The following PCDH9 variants were observed in gnomAD, a reference collection of about 807,000 sequenced individuals.
PCDH9 encodes protocadherin 9, also known as protocadherin-9.
In PCDH9, 24 loss-of-function variants were observed where a neutral mutation model predicts 70.6. That is an observed-to-expected ratio of 0.34 (90% CI 0.25 to 0.48). PCDH9 has a LOEUF of 0.48. Ranked by LOEUF, PCDH9 falls within the 20% of genes least tolerant of loss-of-function variation. PCDH9 has a pLI of 0.99. For synonymous variants in PCDH9, 562 were observed against 558.5 expected (o/e 1.01, Z -0.09); for missense variants, 1,281 against 1,503.6 (o/e 0.85, Z 2.45).
chr13:66,478,360 T>C (rs1958771607), intron 4 of PCDH9, among the ~76,000 whole-genome samples: 1 of 152,010 alleles, frequency 6.6e-6, no homozygotes, highest in Non-Finnish European at 1.5e-5. Flanking sequence ...CTCTAAGCAA[T>C]CACGTAAAAG....
At chr13:66,864,562 T>C (rs1046295099) in intron 3 of PCDH9, among the ~76,000 whole-genome samples, 1 of 152,358 alleles carries the variant, frequency 6.6e-6, no homozygotes, top group South Asian at 2.1e-4. Flanking sequence ...AAAATGTATT[T>C]GGACATTTAG....
intron 4 of PCDH9, among the ~76,000 whole-genome samples, chr13:66,492,300 T>C (rs1959047337): frequency 6.6e-6 from 1 of 151,844 alleles, no homozygotes; most frequent in Non-Finnish European, 1.5e-5. Context: ...AGCCTTGTCT[T>C]ACATAGACAG....
intron 2 of PCDH9, among the ~76,000 whole-genome samples, chr13:67,133,727 G>C (rs556082816): frequency 2.0e-5 from 3 of 151,994 alleles, no homozygotes; most frequent in Admixed American, 6.6e-5. Flanking sequence ...TTCTTGTGTT[G>C]CTCATCTAGA....
At chr13:67,038,519 T>C (rs1159675313) in intron 2 of PCDH9, among the ~76,000 whole-genome samples, 1 of 152,188 alleles carries the variant, frequency 6.6e-6, no homozygotes, top group Non-Finnish European at 1.5e-5. Flanking sequence ...TAATTGCTCA[T>C]AATGTGATAC....
At chr13:67,134,961 A>G (rs12870318) in intron 2 of PCDH9, among the ~76,000 whole-genome samples, 35,284 of 152,020 alleles carry the variant, frequency 0.23, 4,204 homozygotes, top group Middle Eastern at 0.28. Flanking sequence ...AAGGGTACCA[A>G]TGAAAAGTGA....
chr13:66,970,606 CT>C (rs2083503749), intron 2 of PCDH9, among the ~76,000 whole-genome samples: 1 of 143,640 alleles, frequency 7.0e-6, no homozygotes, highest in Non-Finnish European at 1.5e-5. Context: ...GCACTCAAGC[CT>C]AGGAATGAGA....
chr13:66,354,485 C>A (rs944566122), intron 4 of PCDH9, among the ~76,000 whole-genome samples: 3 of 151,894 alleles, frequency 2.0e-5, no homozygotes, highest in Admixed American at 1.3e-4. Flanking sequence ...TCTAATTTTG[C>A]CTCTCTGTTG....
intron 3 of PCDH9, among the ~76,000 whole-genome samples, chr13:66,671,073 T>A (rs2072553329): frequency 6.6e-6 from 1 of 152,100 alleles, no homozygotes; most frequent in African/African-American, 2.4e-5. Flanking sequence ...CTCATGATAG[T>A]GAATAAGTCT....
At chr13:66,373,363 G>A (rs139059467) in intron 4 of PCDH9, among the ~76,000 whole-genome samples, 21 of 151,966 alleles carry the variant, frequency 1.4e-4, no homozygotes, top group East Asian at 3.9e-4. Context: ...GGAAATTGTC[G>A]TTTAATGGGT....
intron 2 of PCDH9, among the ~76,000 whole-genome samples, chr13:67,068,884 T>C (rs572500902): frequency 6.6e-5 from 10 of 152,306 alleles, no homozygotes; most frequent in Middle Eastern, 3.4e-3. Flanking sequence ...CAGAATGTGC[T>C]CACATGTTAC....
intron 2 of PCDH9, among the ~76,000 whole-genome samples, chr13:67,061,623 T>C (rs370670251): frequency 1.3e-5 from 2 of 152,118 alleles, no homozygotes; most frequent in East Asian, 1.9e-4. Context: ...AGAATATTTA[T>C]AATAAAGCTA....
At chr13:66,605,890 C>T (rs931265862) in intron 4 of PCDH9, among the ~76,000 whole-genome samples, 7 of 151,808 alleles carry the variant, frequency 4.6e-5, no homozygotes, top group African/African-American at 1.2e-4. Flanking sequence ...TAACACTGGC[C>T]GAGTTTACTT....
At chr13:67,172,017 C>T (rs2088300306) in intron 2 of PCDH9, among the ~76,000 whole-genome samples, 1 of 152,170 alleles carries the variant, frequency 6.6e-6, no homozygotes, top group Non-Finnish European at 1.5e-5. Flanking sequence ...TTAAGACCAC[C>T]ACTTACTAGT....
intron 3 of PCDH9, among the ~76,000 whole-genome samples, chr13:66,672,702 C>T (rs1213184306): frequency 6.6e-6 from 1 of 152,204 alleles, no homozygotes; most frequent in African/African-American, 2.4e-5. Context: ...TGCCCAAGAC[C>T]ATGGGAACCC....
intron 3 of PCDH9, among the ~76,000 whole-genome samples, chr13:66,871,853 C>T (rs889218746): frequency 6.6e-6 from 1 of 151,918 alleles, no homozygotes; most frequent in African/African-American, 2.4e-5. Context: ...ATTTCTTATT[C>T]TCTTTGTCTG....
chr13:66,647,994 G>A (rs1245100554), intron 3 of PCDH9, among the ~76,000 whole-genome samples: 2 of 151,972 alleles, frequency 1.3e-5, no homozygotes, highest in African/African-American at 2.4e-5. Flanking sequence ...AAGAAAGGGT[G>A]GGAAAATCTT....
At chr13:66,396,072 A>C (rs1210004208) in intron 4 of PCDH9, among the ~76,000 whole-genome samples, 1 of 152,168 alleles carries the variant, frequency 6.6e-6, no homozygotes, top group Non-Finnish European at 1.5e-5. Flanking sequence ...TTGAGTTTGT[A>C]TATAGAATGT....
At chr13:66,419,935 G>A (rs868263886) in intron 4 of PCDH9, among the ~76,000 whole-genome samples, 8 of 152,068 alleles carry the variant, frequency 5.3e-5, no homozygotes, top group South Asian at 2.1e-4. Flanking sequence ...TGAAATTCTC[G>A]CTGCCAGCAC....
At chr13:66,497,464 A>G (rs1959134632) in intron 4 of PCDH9, among the ~76,000 whole-genome samples, 1 of 152,184 alleles carries the variant, frequency 6.6e-6, no homozygotes, top group African/African-American at 2.4e-5. Flanking sequence ...GTAGTTGGAT[A>G]TAATTTCAGT....
Sources: gnomAD v4.1 joint callset for allele counts (sites outside exome capture counted in the v4.1 genomes callset) on GRCh38, gnomAD v4.1.1 for gene constraint, MANE v1.5 for transcripts, NCBI Gene and HGNC (gene_info 2026-07-23, HGNC 2026-07-21) for gene names.